The following OPHN1 variants were observed in gnomAD, a reference collection of about 807,000 sequenced individuals.
OPHN1 encodes the protein oligophrenin-1.
Under a neutral mutation model 60.7 loss-of-function variants are expected in OPHN1, and 11 were observed. That is an observed-to-expected ratio of 0.18 (90% confidence interval 0.11 to 0.30). The LOEUF (loss-of-function observed/expected upper bound fraction) is 0.30. Ranked by LOEUF, OPHN1 falls within the 10% of genes least tolerant of loss-of-function variation. The pLI, the probability that OPHN1 is intolerant of heterozygous loss-of-function variation, is 1.00. For missense variants in OPHN1, 449 were observed against 611.0 expected (o/e 0.73, Z 2.80); for synonymous variants, 226 against 222.6 (o/e 1.02, Z -0.14).
At chrX:68,433,596 C>A (rs1018637660), upstream of OPHN1, 3 of 293,516 alleles carry the variant, frequency 1.0e-5, no homozygotes, top group African/African-American at 5.5e-5. Flanking sequence ...CAAACCGGAG[C>A]GCTCTGGCTC....
intron 23 of OPHN1, among the ~76,000 whole-genome samples, chrX:68,051,958 G>A (rs1419113952): frequency 1.8e-5 from 2 of 112,152 alleles, no homozygotes; most frequent in African/African-American, 6.5e-5. Flanking sequence ...TGGGGACACA[G>A]GCAAAGAAAC....
At chrX:68,423,721 T>C (rs1270858427) in intron 2 of OPHN1, among the ~76,000 whole-genome samples, 2 of 112,214 alleles carry the variant, frequency 1.8e-5, no homozygotes, top group Non-Finnish European at 3.8e-5. Context: ...CCTAAGGTTT[T>C]CAAAGTTCAT....
chrX:68,144,022 T>C (rs1164245940), intron 15 of OPHN1, among the ~76,000 whole-genome samples: 1 of 110,480 alleles, frequency 9.1e-6, no homozygotes, highest in Non-Finnish European at 1.9e-5. Flanking sequence ...TTTCTTTTCT[T>C]TTTTTGAGAT....
intron 20 of OPHN1, among the ~76,000 whole-genome samples, chrX:68,065,855 C>G (rs1355321247): frequency 8.9e-6 from 1 of 112,158 alleles, no homozygotes; most frequent in East Asian, 2.8e-4. Context: ...AGTCTTGCTG[C>G]AAAGGTTTTT....
chrX:68,154,336 T>C (rs1407193553), intron 15 of OPHN1, among the ~76,000 whole-genome samples: 1 of 112,475 alleles, frequency 8.9e-6, no homozygotes, highest in Non-Finnish European at 1.9e-5. Flanking sequence ...CCAGAGCCCC[T>C]TTCACCTATT....
rs2077510279 is a variant in OPHN1 at position 68,195,717 on chromosome X, C to T, written c.1105-1219G>A. Among the ~76,000 whole-genome samples the T allele has an allele frequency of 6.3e-5, 7 of 111,977 alleles. No homozygotes were observed. The South Asian group carries it at 2.6e-3, about 42-fold the overall frequency. The stretch of plus-strand genomic sequence containing the variant: ...TAAGAGTCTGTTTGAACAGCCTCTC[C>T]TTAAAATAAGTTCTGCATATGTGTG... On this transcript the variant is annotated intron_variant, in intron 12 of 24. Transcript: ENST00000355520.
chrX:68,389,995 G>A (rs1012516714), intron 2 of OPHN1, among the ~76,000 whole-genome samples: 2 of 111,446 alleles, frequency 1.8e-5, no homozygotes, highest in African/African-American at 6.5e-5. Flanking sequence ...AACAGAAGGG[G>A]AAGCAAACAC....
chrX:68,059,923 T>C (rs1852851931), intron 21 of OPHN1, among the ~76,000 whole-genome samples: 1 of 112,049 alleles, frequency 8.9e-6, no homozygotes, highest in Non-Finnish European at 1.9e-5. Context: ...AGAACATTAA[T>C]CACATTGGCT....
At chrX:68,316,752 T>C (rs960450654) in intron 2 of OPHN1, among the ~76,000 whole-genome samples, 4 of 108,525 alleles carry the variant, frequency 3.7e-5, no homozygotes, top group Non-Finnish European at 5.6e-5. Context: ...CTGGGCACAA[T>C]TGGCTAATCC....
At chrX:68,375,727 A>T (rs866020328) in intron 2 of OPHN1, among the ~76,000 whole-genome samples, 1 of 104,079 alleles carries the variant, frequency 9.6e-6, no homozygotes, top group African/African-American at 3.9e-5. Flanking sequence ...ATTTTTTTTT[A>T]ATTTTTTGTA....
At chrX:68,365,544 G>C (rs944138985) in intron 2 of OPHN1, among the ~76,000 whole-genome samples, 3 of 111,604 alleles carry the variant, frequency 2.7e-5, no homozygotes, top group African/African-American at 9.8e-5. Flanking sequence ...TCAGCAGTAG[G>C]AATGTCTCTC....
At chrX:68,293,336 A>G (rs1449116531) in intron 3 of OPHN1, among the ~76,000 whole-genome samples, 1 of 112,220 alleles carries the variant, frequency 8.9e-6, no homozygotes, top group Non-Finnish European at 1.9e-5. Context: ...GCAATGAATA[A>G]TATTCACATT....
chrX:68,158,081 T>C (rs914873870), intron 15 of OPHN1, among the ~76,000 whole-genome samples: 4 of 112,033 alleles, frequency 3.6e-5, no homozygotes, highest in Non-Finnish European at 7.5e-5. Context: ...CCCAAGTAGC[T>C]GGGACTGGGA....
chrX:68,407,900 G>C (rs2078751404), intron 2 of OPHN1, among the ~76,000 whole-genome samples: 1 of 112,340 alleles, frequency 8.9e-6, no homozygotes, highest in Non-Finnish European at 1.9e-5. Context: ...CAAACATTTA[G>C]AACTTTTGTA....
chrX:68,088,572 G>A (rs1304489892), intron 19 of OPHN1, among the ~76,000 whole-genome samples: 1 of 111,505 alleles, frequency 9.0e-6, no homozygotes, highest in Non-Finnish European at 1.9e-5. Flanking sequence ...AGACTTAGTA[G>A]ATACCAAGGT....
At chrX:68,344,473 A>G (rs1260803633) in intron 2 of OPHN1, among the ~76,000 whole-genome samples, 4 of 110,380 alleles carry the variant, frequency 3.6e-5, no homozygotes, top group African/African-American at 1.3e-4. Context: ...TTAGCCAGAC[A>G]TGGAGTTGGG....
At chrX:68,411,020 T>C (rs1303550368) in intron 2 of OPHN1, among the ~76,000 whole-genome samples, 1 of 112,170 alleles carries the variant, frequency 8.9e-6, no homozygotes, top group Non-Finnish European at 1.9e-5. Flanking sequence ...TCCTTGCTGG[T>C]TCTCTGAAAA....
rs1238021221 is a variant in OPHN1 at position 68,312,252 on chromosome X, A to AT, written c.155-13157dup. Among the ~76,000 whole-genome samples, 439 of 69,754 alleles carry AT rather than the reference A, an allele frequency of 6.3e-3. 6 individuals are homozygous for AT. Among genetic ancestry groups the AT allele is most frequent in the Middle Eastern group, 0.011 (1 of 94 alleles). The allele number at this position is 69,754 out of a possible 115,157, so 60.6% of individuals were successfully genotyped here. On this transcript the variant is annotated intron_variant, in intron 2 of 24. Transcript: ENST00000355520. ...TGGCATGTACCACTAGGCTCGGCTA[A>AT]TTTTTTTTTTTTTTTTTTTTTTTTG...
intron 15 of OPHN1, among the ~76,000 whole-genome samples, chrX:68,143,959 A>G (rs7061504): frequency 0.23 from 25,696 of 111,054 alleles, 3,299 homozygotes; most frequent in African/African-American, 0.46. Flanking sequence ...AAGATCCTCA[A>G]TGCATATGGG....
Sources: gnomAD v4.1 joint callset for allele counts (sites outside exome capture counted in the v4.1 genomes callset) on GRCh38, gnomAD v4.1.1 for gene constraint, MANE v1.5 for transcripts, NCBI Gene and HGNC (gene_info 2026-07-23, HGNC 2026-07-21) for gene names.